Variants in FOLH1 observed in about 807,000 individuals in gnomAD.
The protein encoded by FOLH1 is folate hydrolase 1.
FOLH1 carries 54 observed loss-of-function variants against 93.9 expected under a neutral mutation model. That is an observed-to-expected ratio of 0.57 (90% CI 0.46 to 0.72). The LOEUF (loss-of-function observed/expected upper bound fraction) is 0.72. Ranked by LOEUF, FOLH1 falls within the 30% of genes least tolerant of loss-of-function variation. FOLH1 has a pLI of 0.00. For missense variants in FOLH1, 571 were observed against 892.5 expected, an observed-to-expected ratio of 0.64 and a Z score of 4.59; for synonymous variants, 249 against 303.6, an observed-to-expected ratio of 0.82 and a Z score of 1.87.
intron 17 of FOLH1, among the ~76,000 whole-genome samples, chr11:49,150,744 A>G (rs1856417085): frequency 6.6e-6 from 1 of 152,180 alleles, no homozygotes. Context: ...ATTCAATATA[A>G]TTGAAAGTTT....
At chr11:49,205,217 G>GAAAGA (rs1210044454) in intron 2 of FOLH1, among the ~76,000 whole-genome samples, 6 of 150,838 alleles carry the variant, frequency 4.0e-5, no homozygotes, top group African/African-American at 7.3e-5. Context: ...AAGAAAAAAG[G>GAAAGA]AAAGAAAAGA....
At chr11:49,201,420 A>G (rs1171137304) in intron 2 of FOLH1, among the ~76,000 whole-genome samples, 1 of 149,310 alleles carries the variant, frequency 6.7e-6, no homozygotes, top group Non-Finnish European at 1.5e-5. Flanking sequence ...GTTTCATTCT[A>G]CCATGTATTT....
Position 49,186,787 on chromosome 11 carries a change from G to T in FOLH1, c.514-18C>A. 4.5e-6 allele frequency: 7 copies of T among 1,570,758 alleles called. No homozygotes were observed. Among genetic ancestry groups the T allele is most frequent in the African/African-American group, 1.4e-5 (1 of 72,878 alleles). ...AGATCGCCCTGTTGAGATCGGGAATGACTTAATATGAGTCAGATATAAAAC... is the reference window on the plus strand; with the variant it reads ...AGATCGCCCTGTTGAGATCGGGAATTACTTAATATGAGTCAGATATAAAAC... On this transcript the variant is annotated intron_variant, in intron 4 of 18. Coordinates refer to ENST00000256999, the MANE Select transcript of FOLH1 (RefSeq NM_004476.3).
chr11:49,204,965 CT>C (rs1401030224), intron 2 of FOLH1, among the ~76,000 whole-genome samples: 1 of 151,920 alleles, frequency 6.6e-6, no homozygotes, highest in Non-Finnish European at 1.5e-5. Flanking sequence ...AATCCCAGTA[CT>C]TTGGGAAGCC....
intron 2 of FOLH1, among the ~76,000 whole-genome samples, chr11:49,204,965 C>T (rs1863720061): frequency 6.6e-6 from 1 of 151,920 alleles, no homozygotes; most frequent in Non-Finnish European, 1.5e-5. Context: ...AATCCCAGTA[C>T]TTTGGGAAGC....
chr11:49,202,119 G>A (rs1372259775), intron 2 of FOLH1, among the ~76,000 whole-genome samples: 1 of 152,168 alleles, frequency 6.6e-6, no homozygotes, highest in Non-Finnish European at 1.5e-5. Context: ...AACCCTAGCT[G>A]TGTCTTGAGT....
chr11:49,198,759 T>A (rs1862950616), intron 3 of FOLH1, among the ~76,000 whole-genome samples: 2 of 151,678 alleles, frequency 1.3e-5, no homozygotes, highest in African/African-American at 2.4e-5. Flanking sequence ...TATTTTAGGG[T>A]TTTTTTAGTT....
intron 11 of FOLH1, among the ~76,000 whole-genome samples, chr11:49,169,677 T>C (rs2135056867): frequency 6.6e-6 from 1 of 152,342 alleles, no homozygotes; most frequent in South Asian, 2.1e-4. Context: ...GTATTTTAAG[T>C]GTATGAAATT....
intron 15 of FOLH1, among the ~76,000 whole-genome samples, chr11:49,155,795 CATATATATATATATATAT>C (rs10526900): frequency 0.43 from 22,552 of 52,394 alleles, 3,400 homozygotes; most frequent in Middle Eastern, 0.51. Flanking sequence ...AAATGAAAAC[CATATATATATATATATAT>C]ATATATATAT....
chr11:49,179,505 C>G (rs1860482353), intron 7 of FOLH1, among the ~76,000 whole-genome samples: 1 of 152,044 alleles, frequency 6.6e-6, no homozygotes, highest in South Asian at 2.1e-4. Context: ...CCTAAATAAC[C>G]AATGGGTCAA....
In FOLH1 at chr11:49,174,938, T is replaced by C. The variant is rs202716; in HGVS notation, c.1059A>G (p.Thr353=). The change falls in exon 9 of 19, where the codon ACA becomes ACG. Residue 353 remains threonine (T), a synonymous_variant. Coordinates refer to ENST00000256999, the MANE Select transcript of FOLH1 (RefSeq NM_004476.3). ...GAGTACCTATCACATTGTAAATTCTTGTCACTTCATTGGTAGAGTGGATGT... is the reference window on the plus strand; with the variant it reads ...GAGTACCTATCACATTGTAAATTCTCGTCACTTCATTGGTAGAGTGGATGT... ...KMHIHSTNEV[T]RIYNVIGTLR... 460,805 of 1,551,878 alleles carry C rather than the reference T, an allele frequency of 0.3. 78,005 individuals carry two copies. The highest frequency in any genetic ancestry group is 0.57 in the African/African-American group (41,721 of 72,860).
At chr11:49,166,320 T>C (rs1858403743) in intron 12 of FOLH1, among the ~76,000 whole-genome samples, 1 of 152,244 alleles carries the variant, frequency 6.6e-6, no homozygotes, top group African/African-American at 2.4e-5. Context: ...ACCAGTCTGA[T>C]TTGAGTCTAA....
At chr11:49,155,747 G>C (rs1856930289) in intron 15 of FOLH1, among the ~76,000 whole-genome samples, 1 of 130,902 alleles carries the variant, frequency 7.6e-6, no homozygotes, top group Non-Finnish European at 1.6e-5. Flanking sequence ...AAAACTACTT[G>C]ACATTTTATA....
intron 13 of FOLH1, among the ~76,000 whole-genome samples, chr11:49,159,365 T>G (rs1857393188): frequency 2.6e-5 from 4 of 152,224 alleles, no homozygotes; most frequent in Admixed American, 2.6e-4. Flanking sequence ...ATTGAAAGCT[T>G]TTTTCTGCAT....
intron 3 of FOLH1, among the ~76,000 whole-genome samples, chr11:49,198,935 A>G (rs1862975071): frequency 1.3e-5 from 2 of 152,016 alleles, no homozygotes; most frequent in African/African-American, 4.8e-5. Flanking sequence ...TTAAAGTTAT[A>G]TTGTTAACTA....
At chr11:49,186,128 G>A (rs1861342325) in intron 5 of FOLH1, 1 of 455,764 alleles carries the variant, frequency 2.2e-6, no homozygotes, top group African/African-American at 2.0e-5. Context: ...AATATAATAA[G>A]CAAGTAGACC....
intron 7 of FOLH1, among the ~76,000 whole-genome samples, chr11:49,180,128 C>T (rs595220): frequency 0.33 from 50,725 of 151,776 alleles, 10,129 homozygotes; most frequent in African/African-American, 0.57. Context: ...ATTTGGGCCC[C>T]GGCTCTCTCA....
chr11:49,180,253 G>A, intron 7 of FOLH1, among the ~76,000 whole-genome samples: 1 of 152,192 alleles, frequency 6.6e-6, no homozygotes, highest in Admixed American at 6.5e-5. Flanking sequence ...AAGTGCTAAA[G>A]CGTAATTAGC....
rs1305967694 is a variant in FOLH1, at chr11:49,156,711, A to G, written c.1623+6T>C. The G allele has an allele frequency of 3.7e-6, 6 of 1,612,544 alleles. No individual in the cohort carries two copies. The South Asian group carries it at 5.5e-5, about 15-fold the overall frequency. ...AATAATCTTAGATAATTTGAGATTC[A>G]CTTACCCAATTTTTAGTATACCGTG... On this transcript the variant is annotated splice_donor_region_variant and intron_variant, in intron 15 of 18. Transcript: ENST00000256999.
Sources: allele counts gnomAD v4.1 joint callset (sites outside exome capture counted in the v4.1 genomes callset), GRCh38; gene constraint gnomAD v4.1.1; transcripts MANE v1.5; gene names NCBI Gene and HGNC (gene_info 2026-07-23, HGNC 2026-07-21).